NRXN3: variants seen among roughly 807,000 people sequenced by gnomAD.
NRXN3 encodes the protein neurexin III.
Under a neutral mutation model 137.6 loss-of-function variants are expected in NRXN3, and 32 were observed. The ratio of observed to expected loss-of-function variants is 0.23; its 90% CI spans 0.18 to 0.31. The LOEUF is 0.31. Among genes scored for constraint, NRXN3 ranks in the 10% least tolerant of loss-of-function variants. The pLI is 1.00. For missense variants in NRXN3, 1,574 were observed against 2,062.5 expected (o/e 0.76, Z 4.59); for synonymous variants, 798 against 784.5 (o/e 1.02, Z -0.29).
At chr14:79,123,358 A>G (rs2055826607) in intron 15 of NRXN3, among the ~76,000 whole-genome samples, 1 of 152,180 alleles carries the variant, frequency 6.6e-6, no homozygotes, top group Non-Finnish European at 1.5e-5. Context: ...CCCTAAATTG[A>G]GTCTCTCACA....
intron 4 of NRXN3, among the ~76,000 whole-genome samples, chr14:78,412,888 T>C (rs938872500): frequency 1.3e-5 from 2 of 152,226 alleles, no homozygotes; most frequent in Admixed American, 6.5e-5. Context: ...GCTGTGGGTA[T>C]TGAATGCTGA....
chr14:78,725,451 C>T (rs1243321061), intron 8 of NRXN3, among the ~76,000 whole-genome samples: 1 of 152,238 alleles, frequency 6.6e-6, no homozygotes, highest in Non-Finnish European at 1.5e-5. Flanking sequence ...CACTGTTGCT[C>T]AGCAGGATCT....
At chr14:79,493,078 G>A (rs1241891443) in intron 16 of NRXN3, among the ~76,000 whole-genome samples, 1 of 152,198 alleles carries the variant, frequency 6.6e-6, no homozygotes, top group East Asian at 1.9e-4. Flanking sequence ...CAGCACATGA[G>A]GAATCGACAT....
Position 78,858,612 on chromosome 14 carries a change from T to C in NRXN3, c.2275+48268T>C, listed in dbSNP as rs568053859. On this transcript the variant is annotated intron_variant, in intron 10 of 20. Transcript: ENST00000335750. ...ACTTCCTTTGGAGCTTATAAATTCCTCAACTACTTAGAAATGCTACTCTGT... is the reference window on the plus strand; with the variant it reads ...ACTTCCTTTGGAGCTTATAAATTCCCCAACTACTTAGAAATGCTACTCTGT... Among the ~76,000 whole-genome samples, 13 of 152,336 alleles carry C rather than the reference T, an allele frequency of 8.5e-5. No homozygotes were observed. In the South Asian group the frequency reaches 2.5e-3, roughly 29 times the overall value.
At chr14:78,668,218 A>G (rs2097904321) in intron 6 of NRXN3, among the ~76,000 whole-genome samples, 1 of 152,212 alleles carries the variant, frequency 6.6e-6, no homozygotes, top group Non-Finnish European at 1.5e-5. Context: ...CCAGTGTCCC[A>G]TTGAGGTCTA....
intron 15 of NRXN3, among the ~76,000 whole-genome samples, chr14:79,202,422 A>T (rs1477675771): frequency 6.6e-6 from 1 of 152,002 alleles, no homozygotes; most frequent in East Asian, 1.9e-4. Context: ...TACAGGTGGC[A>T]TTCGGTTACA....
intron 4 of NRXN3, among the ~76,000 whole-genome samples, chr14:78,453,752 T>C (rs1304374845): frequency 1.3e-5 from 2 of 152,108 alleles, no homozygotes; most frequent in Non-Finnish European, 2.9e-5. Flanking sequence ...AAAGGGGACA[T>C]TTGGACACAG....
chr14:79,375,503 C>CTT (rs1240942534), intron 15 of NRXN3, among the ~76,000 whole-genome samples: 2 of 152,018 alleles, frequency 1.3e-5, no homozygotes, highest in East Asian at 3.9e-4. Context: ...AGCAGAGTGC[C>CTT]TTTTGGAGGA....
intron 4 of NRXN3, among the ~76,000 whole-genome samples, chr14:78,443,672 GT>G (rs1182987370): frequency 7.2e-5 from 11 of 152,252 alleles, no homozygotes; most frequent in Non-Finnish European, 1.0e-4. Flanking sequence ...ATCCATATTG[GT>G]TTGAGTTATT....
intron 15 of NRXN3, among the ~76,000 whole-genome samples, chr14:79,392,913 T>C (rs937459219): frequency 7.5e-6 from 1 of 133,390 alleles, no homozygotes; most frequent in Non-Finnish European, 1.5e-5. Context: ...GAGGTTGCAG[T>C]GAGCCAAGAT....
chr14:79,709,907 T>C (rs977850631), intron 19 of NRXN3, among the ~76,000 whole-genome samples: 13 of 152,014 alleles, frequency 8.6e-5, no homozygotes, highest in African/African-American at 3.1e-4. Flanking sequence ...CTATCTATCC[T>C]GTTAGAGGAT....
At chr14:79,138,709 A>T (rs2058498317) in intron 15 of NRXN3, among the ~76,000 whole-genome samples, 1 of 152,224 alleles carries the variant, frequency 6.6e-6, no homozygotes, top group Non-Finnish European at 1.5e-5. Flanking sequence ...GAAGGTAATG[A>T]CTGAAATGAG....
chr14:78,741,134 C>A (rs779799705), intron 8 of NRXN3, among the ~76,000 whole-genome samples: 13 of 152,186 alleles, frequency 8.5e-5, no homozygotes, highest in Non-Finnish European at 1.9e-4. Flanking sequence ...TTAGCAGTGA[C>A]TGTTGTAGGT....
intron 20 of NRXN3, among the ~76,000 whole-genome samples, chr14:79,841,624 C>A (rs1253072493): frequency 6.6e-6 from 1 of 152,192 alleles, no homozygotes; most frequent in Non-Finnish European, 1.5e-5. Context: ...GCCCTGATCA[C>A]CATTCCCCCA....
intron 16 of NRXN3, among the ~76,000 whole-genome samples, chr14:79,617,487 T>A (rs142453049): frequency 6.6e-6 from 1 of 152,300 alleles, no homozygotes; most frequent in East Asian, 1.9e-4. Context: ...TACAAAACTT[T>A]GAAGCACTAA....
intron 19 of NRXN3, among the ~76,000 whole-genome samples, chr14:79,758,015 G>A (rs1033566933): frequency 6.6e-6 from 1 of 152,116 alleles, no homozygotes; most frequent in Non-Finnish European, 1.5e-5. Flanking sequence ...TTAAAGTAGA[G>A]TGTGTTGTGA....
Position 79,641,544 on chromosome 14 carries a change from C to T in NRXN3, c.3445-22234C>T, listed in dbSNP as rs779535771. Among the ~76,000 whole-genome samples the T allele has an allele frequency of 2.9e-4, 40 of 135,714 alleles. 8 individuals are homozygous for T. The highest frequency in any genetic ancestry group is 5.0e-4 in the Non-Finnish European group (29 of 58,316). 89.0% of individuals were successfully genotyped at this position (135,714 alleles called of 152,430 possible). On this transcript the variant is annotated intron_variant, in intron 16 of 20. Transcript: ENST00000335750. ...GGTTGACTGAAATTTGGCTTGTCTC[C>T]GCTGGGCTCAGCATGTTGGCTCTCC...
At chr14:79,790,706 C>T (rs547940862) in intron 19 of NRXN3, among the ~76,000 whole-genome samples, 22 of 150,456 alleles carry the variant, frequency 1.5e-4, no homozygotes, top group African/African-American at 4.4e-4. Flanking sequence ...CTGCAACCTC[C>T]GCCTCCCAGG....
intron 15 of NRXN3, among the ~76,000 whole-genome samples, chr14:79,169,218 C>G (rs572980034): frequency 6.6e-6 from 1 of 152,088 alleles, no homozygotes; most frequent in South Asian, 2.1e-4. Flanking sequence ...ATCCTACTCA[C>G]TGAGACTATA....
Sources: allele counts gnomAD v4.1 joint callset (sites outside exome capture counted in the v4.1 genomes callset), GRCh38; gene constraint gnomAD v4.1.1; transcripts MANE v1.5; gene names NCBI Gene and HGNC (gene_info 2026-07-23, HGNC 2026-07-21).